Variants in CCBE1 observed in about 807,000 individuals in gnomAD.
The protein encoded by CCBE1 is collagen and calcium binding EGF domains 1.
CCBE1 carries 37 observed loss-of-function variants against 50.0 expected under a neutral mutation model. The ratio of observed to expected loss-of-function variants is 0.74; its 90% confidence interval spans 0.57 to 0.97. CCBE1 has a LOEUF of 0.97. Among genes scored for constraint, CCBE1 ranks in the 50% least tolerant of loss-of-function variants. CCBE1 has a pLI of 0.00. For missense variants in CCBE1, 538 were observed against 523.8 expected, an observed-to-expected ratio of 1.03 and a Z score of -0.26; for synonymous variants, 234 against 203.7, an observed-to-expected ratio of 1.15 and a Z score of -1.27.
At chr18:59,671,425 G>T (rs572984359) in intron 2 of CCBE1, among the ~76,000 whole-genome samples, 1 of 151,508 alleles carries the variant, frequency 6.6e-6, no homozygotes, top group African/African-American at 2.4e-5. Flanking sequence ...TTGACCCCAG[G>T]AGGTCGAGGC....
At chr18:59,644,217 T>C (rs1358285043) in intron 2 of CCBE1, among the ~76,000 whole-genome samples, 1 of 152,220 alleles carries the variant, frequency 6.6e-6, no homozygotes, top group Non-Finnish European at 1.5e-5. Flanking sequence ...CATGAGAATC[T>C]AATGCCGTTG....
Position 59,497,510 on chromosome 18 carries a change from T to C in CCBE1, c.213-17272A>G, listed in dbSNP as rs892620438. 7.2e-5 allele frequency among the ~76,000 whole-genome samples: 11 copies of C among 152,344 alleles called. No individual in the cohort carries two copies. The East Asian group carries it at 1.9e-3, about 27-fold the overall frequency. ...AGCTTGGCCTGGTTTGAGGCATCTT[T>C]GTACAGTGTGATTTGGATTTCACAG... On this transcript the variant is annotated intron_variant, in intron 2 of 10. Coordinates refer to ENST00000439986, the MANE Select transcript of CCBE1 (RefSeq NM_133459.4).
At chr18:59,493,648 C>A (rs1445912017) in intron 2 of CCBE1, among the ~76,000 whole-genome samples, 1 of 152,040 alleles carries the variant, frequency 6.6e-6, no homozygotes, top group Non-Finnish European at 1.5e-5. Flanking sequence ...GCTCCAGAGC[C>A]CACCTCTTCC....
At chr18:59,607,684 G>A (rs570500230) in intron 2 of CCBE1, among the ~76,000 whole-genome samples, 74 of 152,142 alleles carry the variant, frequency 4.9e-4, no homozygotes, top group Non-Finnish European at 9.0e-4. Flanking sequence ...GGTTAGACAC[G>A]GACTCTGGAC....
intron 2 of CCBE1, among the ~76,000 whole-genome samples, chr18:59,504,337 A>G (rs1913767846): frequency 6.6e-6 from 1 of 152,012 alleles, no homozygotes; most frequent in South Asian, 2.1e-4. Flanking sequence ...TTTCCTCAGT[A>G]AAGATTTACT....
At chr18:59,627,582 T>C (rs2053802141) in intron 2 of CCBE1, among the ~76,000 whole-genome samples, 1 of 152,188 alleles carries the variant, frequency 6.6e-6, no homozygotes, top group Non-Finnish European at 1.5e-5. Context: ...CCTAATCCAA[T>C]GAATAGTGTC....
chr18:59,512,935 A>G (rs999447903), intron 2 of CCBE1, among the ~76,000 whole-genome samples: 1 of 152,212 alleles, frequency 6.6e-6, no homozygotes, highest in African/African-American at 2.4e-5. Flanking sequence ...GAGCACCTCT[A>G]CGACAGGAGG....
At chr18:59,601,562 G>A (rs904459469) in intron 2 of CCBE1, among the ~76,000 whole-genome samples, 1 of 152,044 alleles carries the variant, frequency 6.6e-6, no homozygotes, top group African/African-American at 2.4e-5. Context: ...GTCTTTATTA[G>A]CAGCATTAAA....
chr18:59,566,813 A>G (rs1331124483), intron 2 of CCBE1, among the ~76,000 whole-genome samples: 1 of 152,004 alleles, frequency 6.6e-6, no homozygotes, highest in Non-Finnish European at 1.5e-5. Flanking sequence ...CCCAACCCCC[A>G]AGAAAAAAAA....
At chr18:59,653,243 A>AC (rs2054148523) in intron 2 of CCBE1, among the ~76,000 whole-genome samples, 1 of 152,076 alleles carries the variant, frequency 6.6e-6, no homozygotes, top group Non-Finnish European at 1.5e-5. Context: ...ATATTCCCCT[A>AC]CCCAGGGGTC....
chr18:59,662,426 A>T (rs1319109245), intron 2 of CCBE1, among the ~76,000 whole-genome samples: 1 of 152,236 alleles, frequency 6.6e-6, no homozygotes, highest in East Asian at 1.9e-4. Context: ...TACTCTACAA[A>T]TAGAGACCAG....
intron 2 of CCBE1, among the ~76,000 whole-genome samples, chr18:59,648,780 T>C (rs2054089450): frequency 6.6e-6 from 1 of 152,204 alleles, no homozygotes; most frequent in African/African-American, 2.4e-5. Context: ...CAGCTAGTGA[T>C]GGGTGCAGCC....
chr18:59,487,956 A>G (rs910452205), intron 2 of CCBE1, among the ~76,000 whole-genome samples: 10 of 152,260 alleles, frequency 6.6e-5, no homozygotes, highest in African/African-American at 2.4e-4. Context: ...ATGTCCATCA[A>G]TGGATGAACG....
chr18:59,483,754 G>A (rs1194574908), intron 2 of CCBE1, among the ~76,000 whole-genome samples: 1 of 152,168 alleles, frequency 6.6e-6, no homozygotes, highest in Non-Finnish European at 1.5e-5. Flanking sequence ...CAATGCAGTG[G>A]TGGTAGATAT....
At chr18:59,613,196 G>A (rs1174223472) in intron 2 of CCBE1, among the ~76,000 whole-genome samples, 2 of 152,050 alleles carry the variant, frequency 1.3e-5, no homozygotes, top group Non-Finnish European at 2.9e-5. Flanking sequence ...GGGGTGGGGG[G>A]TGGTAGAGGA....
intron 2 of CCBE1, among the ~76,000 whole-genome samples, chr18:59,663,113 A>T (rs977486525): frequency 0.038 from 2,264 of 59,130 alleles, 43 homozygotes; most frequent in African/African-American, 0.21. Context: ...GGTGCTAGGG[A>T]TAGGGATAGG....
chr18:59,469,741 G>A lies in CCBE1; in HGVS notation c.266-134C>T, dbSNP rs553070565. The A allele has an allele frequency of 6.9e-5, 81 of 1,179,378 alleles. No homozygotes were observed. The South Asian group carries it at 9.3e-4, about 13-fold the overall frequency. 73.1% of individuals were successfully genotyped at this position (1,179,378 alleles called of 1,614,324 possible). A position where few individuals can be genotyped will look rare whatever the true frequency, so the allele number is the denominator to read the frequency against. On this transcript the variant is annotated intron_variant, in intron 3 of 10. Coordinates refer to ENST00000439986, the MANE Select transcript of CCBE1 (RefSeq NM_133459.4). ...AAGTGTGGACAGATATACTTGGAGG[G>A]ACAGGAACTCTTTAGGGCTGTGGGT...
chr18:59,645,739 A>G (rs1227662399), intron 2 of CCBE1, among the ~76,000 whole-genome samples: 1 of 152,208 alleles, frequency 6.6e-6, no homozygotes, highest in African/African-American at 2.4e-5. Context: ...CCTTAAAAGT[A>G]TCAAAAGACA....
chr18:59,637,875 G>C (rs1219525558), intron 2 of CCBE1, among the ~76,000 whole-genome samples: 1 of 152,070 alleles, frequency 6.6e-6, no homozygotes, highest in Non-Finnish European at 1.5e-5. Flanking sequence ...AACCAGGCCT[G>C]GATCACTTCC....
Sources: allele counts gnomAD v4.1 joint callset (sites outside exome capture counted in the v4.1 genomes callset), GRCh38; gene constraint gnomAD v4.1.1; transcripts MANE v1.5; gene names NCBI Gene and HGNC (gene_info 2026-07-23, HGNC 2026-07-21).